The following POLN variants were observed in gnomAD, a reference collection of about 807,000 sequenced individuals.
The protein encoded by POLN is DNA polymerase N.
POLN carries 108 observed loss-of-function variants against 113.5 expected under a neutral mutation model. The ratio of observed to expected loss-of-function variants is 0.95; its 90% CI spans 0.81 to 1.12. The LOEUF is 1.12. Among genes scored for constraint, POLN ranks in the 50% most tolerant of loss-of-function variants. The pLI, the probability that POLN is intolerant of heterozygous loss-of-function variation, is 0.00. For synonymous variants in POLN, 386 were observed against 391.5 expected (o/e 0.99, Z 0.17); for missense variants, 1,097 against 1,077.1 (o/e 1.02, Z -0.26).
chr4:2,162,635 T>G (rs1319310536), intron 13 of POLN, among the ~76,000 whole-genome samples: 1 of 152,124 alleles, frequency 6.6e-6, no homozygotes, highest in Non-Finnish European at 1.5e-5. Flanking sequence ...TTTTTTGTTT[T>G]TTGTAGGGAT....
At chr4:2,224,311 T>C (rs1218333238) in intron 3 of POLN, among the ~76,000 whole-genome samples, 1 of 152,364 alleles carries the variant, frequency 6.6e-6, no homozygotes, top group East Asian at 1.9e-4. Context: ...GAGCTGTCAC[T>C]TCCTATGATA....
intron 5 of POLN, among the ~76,000 whole-genome samples, chr4:2,200,609 C>G (rs886764551): frequency 2.0e-5 from 3 of 152,132 alleles, no homozygotes; most frequent in African/African-American, 7.2e-5. Context: ...ATCCAGAAGA[C>G]AGATAACAAT....
At chr4:2,219,513 T>C (rs902325297) in intron 3 of POLN, among the ~76,000 whole-genome samples, 1 of 152,142 alleles carries the variant, frequency 6.6e-6, no homozygotes, top group Non-Finnish European at 1.5e-5. Context: ...CTGGCCTCTA[T>C]GTCAGGATCC....
intron 16 of POLN, among the ~76,000 whole-genome samples, chr4:2,154,346 A>C (rs980392367): frequency 2.0e-5 from 3 of 152,150 alleles, no homozygotes; most frequent in Non-Finnish European, 4.4e-5. Context: ...GAGCTTTTCC[A>C]TACCAATAGG....
rs140952563 is a variant in POLN, at chr4:2,115,050, T to C, written c.1982+13063A>G. On this transcript the variant is annotated intron_variant, in intron 19 of 25. Coordinates refer to ENST00000511885, the MANE Select transcript of POLN (RefSeq NM_181808.4). ...GAAGCTGATCTAATGGGTTCTTTAGTTTTTGTTTGTTTTTTGAGATGGAGT... is the reference window on the plus strand; with the variant it reads ...GAAGCTGATCTAATGGGTTCTTTAGCTTTTGTTTGTTTTTTGAGATGGAGT... 2.4e-3 allele frequency among the ~76,000 whole-genome samples: 368 copies of C among 150,950 alleles called. 2 individuals carry two copies. The highest frequency in any genetic ancestry group is 8.3e-3 in the African/African-American group (339 of 40,872).
At chr4:2,170,621 C>A in intron 13 of POLN, 58 bp downstream of exon 13, 1 of 1,432,804 alleles carries the variant, frequency 7.0e-7, no homozygotes, top group East Asian at 2.3e-5. Flanking sequence ...GGTCAGCACA[C>A]ATGTGGTGCA....
chr4:2,163,773 TC>T (rs1732659945), intron 13 of POLN, among the ~76,000 whole-genome samples: 1 of 152,234 alleles, frequency 6.6e-6, no homozygotes, highest in African/African-American at 2.4e-5. Context: ...AGGACCATTA[TC>T]CCAGGGCGAC....
Position 2,080,710 on chromosome 4 carries a change from G to A in POLN, c.2387+248C>T, listed in dbSNP as rs575349799. Reference sequence around the variant, plus strand: ...GCTGTGCAGACACCCCGAGGAGGAGGGGTCTGGGGGAGACAGCATTTCTGT... The same window carrying A: ...GCTGTGCAGACACCCCGAGGAGGAGAGGTCTGGGGGAGACAGCATTTCTGT... On this transcript the variant is annotated intron_variant, in intron 23 of 25. Coordinates refer to ENST00000511885, the MANE Select transcript of POLN (RefSeq NM_181808.4). 4.4e-5 allele frequency: 62 copies of A among 1,394,064 alleles called. No homozygotes were observed. In the South Asian group the frequency reaches 7.8e-4, roughly 17 times the overall value. 86.4% of individuals were successfully genotyped at this position (1,394,064 alleles called of 1,614,324 possible).
chr4:2,073,624 G>A (rs1730205806), intron 24 of POLN, among the ~76,000 whole-genome samples: 1 of 152,250 alleles, frequency 6.6e-6, no homozygotes, highest in Non-Finnish European at 1.5e-5. Context: ...GGCCTGGGCA[G>A]GGGCCAGAGG....
rs148201971 is a variant in POLN at position 2,219,104 on chromosome 4, G to T, written c.134-5978C>A. ...TCAGGCCAAGGAGCCAGTACCTGAG[G>T]GTTCTTCCAACAGTCTGTTCATTCC... On this transcript the variant is annotated intron_variant, in intron 3 of 25. Transcript: ENST00000511885. Among the ~76,000 whole-genome samples the T allele has an allele frequency of 1.9e-3, 285 of 152,282 alleles. 1 individual carries two copies. The highest frequency in any genetic ancestry group is 6.6e-3 in the African/African-American group (276 of 41,558).
chr4:2,087,898 T>C (rs1361589522), intron 20 of POLN, among the ~76,000 whole-genome samples: 1 of 152,160 alleles, frequency 6.6e-6, no homozygotes, highest in Non-Finnish European at 1.5e-5. Flanking sequence ...AATGGTATGA[T>C]CATAGCTCAC....
chr4:2,241,431 A>C, intron 2 of POLN, 89 bp downstream of exon 2: 1 of 902,680 alleles, frequency 1.1e-6, no homozygotes, highest in Non-Finnish European at 1.3e-6. Flanking sequence ...AGCCACCAGG[A>C]GGCTAGGCAG....
chr4:2,206,124 A>T (rs2108763063), intron 5 of POLN, among the ~76,000 whole-genome samples: 1 of 152,294 alleles, frequency 6.6e-6, no homozygotes, highest in South Asian at 2.1e-4. Context: ...GATCTTTGAC[A>T]AAGCAAACAA....
intron 16 of POLN, among the ~76,000 whole-genome samples, chr4:2,149,889 C>T (rs1481010484): frequency 1.3e-5 from 2 of 152,078 alleles, no homozygotes; most frequent in African/African-American, 4.8e-5. Flanking sequence ...TGAGACCAGC[C>T]TGGCCAACAT....
intron 16 of POLN, chr4:2,140,137 G>C (rs2012807): frequency 0.11 from 17,434 of 152,076 alleles, 1,411 homozygotes; most frequent in East Asian, 0.35. Flanking sequence ...ACAGTGCAGT[G>C]GCACAATCTT....
intron 7 of POLN, among the ~76,000 whole-genome samples, chr4:2,191,028 C>T (rs1046574763): frequency 1.3e-5 from 2 of 152,280 alleles, no homozygotes; most frequent in South Asian, 4.1e-4. Context: ...GGTATATATT[C>T]AAAAGAATCA....
At chr4:2,186,395 G>A (rs977955519) in intron 7 of POLN, among the ~76,000 whole-genome samples, 2 of 152,160 alleles carry the variant, frequency 1.3e-5, no homozygotes, top group Admixed American at 1.3e-4. Flanking sequence ...GTAGGACCAT[G>A]TTGTAGGAGG....
intron 3 of POLN, among the ~76,000 whole-genome samples, chr4:2,225,450 G>A (rs570377389): frequency 6.6e-6 from 1 of 152,028 alleles, no homozygotes; most frequent in Admixed American, 6.6e-5. Context: ...GGCTACTCAG[G>A]AGGCTGTGGC....
At chr4:2,236,432 C>T (rs1359386542) in intron 2 of POLN, 3 of 1,611,952 alleles carry the variant, frequency 1.9e-6, no homozygotes, top group Non-Finnish European at 2.5e-6. Context: ...TTTTCTTATT[C>T]TCTCCCTCCA....
Sources: allele counts gnomAD v4.1 joint callset (sites outside exome capture counted in the v4.1 genomes callset), GRCh38; gene constraint gnomAD v4.1.1; transcripts MANE v1.5; gene names NCBI Gene and HGNC (gene_info 2026-07-23, HGNC 2026-07-21).